FGL1: variants seen among roughly 807,000 people sequenced by gnomAD.
FGL1 encodes the protein fibrinogen-like protein 1.
In FGL1, 59 loss-of-function variants were observed where a neutral mutation model predicts 43.7. The observed-to-expected ratio is 1.35, with a 90% confidence interval of 1.10 to 1.68. FGL1 has a LOEUF of 1.68. Ranked by LOEUF, FGL1 falls within the 40% of genes most tolerant of loss-of-function variation. The probability of loss-of-function intolerance (pLI) is 0.00; values close to 1 mark genes in which losing one functional copy is unlikely to be tolerated. For missense variants in FGL1, 596 were observed against 373.0 expected, an observed-to-expected ratio of 1.60 and a Z score of -4.92; for synonymous variants, 192 against 126.5, an observed-to-expected ratio of 1.52 and a Z score of -3.48.
At chr8:17,891,094 G>A (rs747630572) in intron 1 of FGL1, among the ~76,000 whole-genome samples, 14 of 152,098 alleles carry the variant, frequency 9.2e-5, no homozygotes, top group African/African-American at 2.2e-4. Flanking sequence ...TACTCCAACC[G>A]CCCTGTACAA....
At position 17,868,652 on chromosome 8, in the gene FGL1, C is replaced by T; in HGVS notation, c.675G>A (p.Trp225Ter). 1.2e-6 allele frequency: 2 copies of T among 1,614,080 alleles called. No individual in the cohort carries two copies. Among genetic ancestry groups the T allele is most frequent in the Non-Finnish European group, 1.7e-6 (2 of 1,179,992 alleles). Residue 225 changes from tryptophan to a stop codon, truncating the protein, a stop_gained, in exon 7 of 8, where the codon TGG (tryptophan) becomes TGA (stop). Coordinates refer to ENST00000427924, the MANE Select transcript of FGL1 (RefSeq NM_004467.4). LOFTEE classifies it high-confidence loss of function. ...LAGNFHPEVQ[W>*]WASHQRMKFS... ...ATTTCATTCTTTGGTGACTAGCCCA[C>T]CACTGCACCTCAGGATGAAAATTCC...
intron 2 of FGL1, among the ~76,000 whole-genome samples, chr8:17,883,090 A>C (rs1431153254): frequency 2.6e-5 from 1 of 38,830 alleles, no homozygotes; most frequent in African/African-American, 1.4e-4. Context: ...AATATATATC[A>C]TATGTAATAT....
At chr8:17,875,526 T>C (rs1375971124) in intron 3 of FGL1, among the ~76,000 whole-genome samples, 482 of 12,348 alleles carry the variant, frequency 0.039, 36 homozygotes, top group African/African-American at 0.084. Flanking sequence ...TTTCTTTCTT[T>C]CTTTCTTTCT....
intron 3 of FGL1, 183 bp from the exon 4 acceptor site, chr8:17,874,704 T>A (rs2053419050): frequency 5.0e-6 from 2 of 401,336 alleles, no homozygotes; most frequent in Non-Finnish European, 8.7e-6. Flanking sequence ...TTATTTCCTT[T>A]GCTAAAATTT....
At chr8:17,895,196 C>T in intron 1 of FGL1, 1 of 742,616 alleles carries the variant, frequency 1.3e-6, no homozygotes, top group Non-Finnish European at 1.6e-6. Context: ...TAAAATTTTC[C>T]ATTTTCCTCA....
chr8:17,883,372 A>T (rs1393572475), intron 2 of FGL1, among the ~76,000 whole-genome samples: 1 of 43,536 alleles, frequency 2.3e-5, no homozygotes, highest in East Asian at 1.0e-3. Context: ...TATAATATAT[A>T]AAATAATATA....
At chr8:17,894,895 G>A (rs1477750831) in intron 1 of FGL1, among the ~76,000 whole-genome samples, 1 of 141,936 alleles carries the variant, frequency 7.0e-6, no homozygotes, top group Non-Finnish European at 1.5e-5. Context: ...ACATAATTAT[G>A]TATATATTAT....
Position 17,895,522 on chromosome 8 carries a change from A to AT in FGL1, c.-94dup, listed in dbSNP as rs2053762677. On this transcript the variant is annotated 5_prime_UTR_variant, in exon 1 of 8. In the 5' UTR this introduces an upstream ATG that the reference lacks. Coordinates refer to ENST00000427924, the MANE Select transcript of FGL1 (RefSeq NM_004467.4). ...CTGCTTCCCAGGATCCTGTAACTGC[A>AT]TTGGGAATTTGTAATTATTTCTCCA... is the stretch of plus-strand genomic sequence containing the variant. 1.1e-5 allele frequency: 14 copies of AT among 1,287,226 alleles called. No individual in the cohort carries two copies. The highest frequency in any genetic ancestry group is 1.4e-5 in the Non-Finnish European group (14 of 987,184). 79.7% of individuals were successfully genotyped at this position (1,287,226 alleles called of 1,614,324 possible). A position where few individuals can be genotyped will look rare whatever the true frequency, so the allele number is the denominator to read the frequency against.
At chr8:17,882,387 T>C in intron 2 of FGL1, 1 of 443,056 alleles carries the variant, frequency 2.3e-6, no homozygotes, top group Admixed American at 4.0e-5. Context: ...ACTCCTGGAC[T>C]CAAAAGATCA....
intron 1 of FGL1, among the ~76,000 whole-genome samples, chr8:17,888,617 T>G (rs1167782385): frequency 6.6e-6 from 1 of 152,194 alleles, no homozygotes; most frequent in Non-Finnish European, 1.5e-5. Context: ...TTGTTTTTCT[T>G]TTTTTGTCTG....
chr8:17,892,209 C>A (rs1006605339), intron 1 of FGL1, among the ~76,000 whole-genome samples: 1 of 152,042 alleles, frequency 6.6e-6, no homozygotes, highest in African/African-American at 2.4e-5. Flanking sequence ...TGCCCTTATG[C>A]AAATGGCAAT....
chr8:17,864,915 A>G (rs1352690581), intron 7 of FGL1, among the ~76,000 whole-genome samples, 164 bp from the exon 8 acceptor site: 3 of 152,190 alleles, frequency 2.0e-5, no homozygotes, highest in Non-Finnish European at 4.4e-5. Context: ...AGAAATTTCT[A>G]CAACAGATGG....
chr8:17,877,188 G>C (rs1177287695), intron 3 of FGL1, among the ~76,000 whole-genome samples: 3 of 151,670 alleles, frequency 2.0e-5, no homozygotes, highest in Admixed American at 6.6e-5. Flanking sequence ...CTGGAGAATA[G>C]GTAGAAGAAA....
intron 3 of FGL1, among the ~76,000 whole-genome samples, chr8:17,875,248 G>A (rs2053427468): frequency 6.6e-6 from 1 of 152,110 alleles, no homozygotes; most frequent in African/African-American, 2.4e-5. Flanking sequence ...ATGTATATGT[G>A]TGCCATGTTG....
At chr8:17,868,424 A>C in intron 7 of FGL1, 124 bp downstream of exon 7, 1 of 699,664 alleles carries the variant, frequency 1.4e-6, no homozygotes, top group Non-Finnish European at 2.1e-6. Context: ...AATGAGAATG[A>C]TTACTTAATA....
chr8:17,874,027 G>C lies in FGL1; in HGVS notation c.494C>G (p.Thr165Ser), dbSNP rs759833729. The C allele has an allele frequency of 6.2e-7, 1 of 1,606,918 alleles. No homozygotes were observed. Among genetic ancestry groups the C allele is most frequent in the Non-Finnish European group, 8.5e-7 (1 of 1,177,342 alleles). Residue 165 changes from threonine (T) to serine (S), a missense_variant, in exon 5 of 8, where the codon ACC becomes AGC. Thr to Ser is a moderately conservative substitution (Grantham distance 58). Coordinates refer to ENST00000427924, the MANE Select transcript of FGL1 (RefSeq NM_004467.4). ...CATCATTCAAACCTTACCTTGAGTG[G>C]TCAAGAAGTGAAGATTTTTATTGCC... ...WLGNKNLHFL[T>S]TQEDYTLKID...
At chr8:17,879,406 C>T (rs1396200855) in intron 3 of FGL1, among the ~76,000 whole-genome samples, 1 of 152,026 alleles carries the variant, frequency 6.6e-6, no homozygotes, top group Middle Eastern at 3.4e-3. Flanking sequence ...GATGTGTGTC[C>T]CCACCAAATC....
At chr8:17,872,807 GAC>G (rs2053384528) in intron 5 of FGL1, among the ~76,000 whole-genome samples, 1 of 152,116 alleles carries the variant, frequency 6.6e-6, no homozygotes, top group South Asian at 2.1e-4. Context: ...TGATATTTTA[GAC>G]AAATATTAAA....
In FGL1 at chr8:17,865,515, C is replaced by T. The variant is rs187242385; in HGVS notation, c.780-764G>A. ...AAATCACCATTTAAAGTTTTGCCAC[C>T]CATCAACCAATAATCATTTTTTCCT... On this transcript the variant is annotated intron_variant, in intron 7 of 7. Coordinates refer to ENST00000427924, the MANE Select transcript of FGL1 (RefSeq NM_004467.4). Among the ~76,000 whole-genome samples the T allele has an allele frequency of 4.4e-4, 67 of 152,232 alleles. 2 individuals are homozygous for T. Among genetic ancestry groups the T allele is most frequent in the Admixed American group, 2.1e-3 (32 of 15,276 alleles).
Sources: gnomAD v4.1 joint callset for allele counts (sites outside exome capture counted in the v4.1 genomes callset) on GRCh38, gnomAD v4.1.1 for gene constraint, MANE v1.5 for transcripts, NCBI Gene and HGNC (gene_info 2026-07-23, HGNC 2026-07-21) for gene names.